TRPM1: variants seen among roughly 807,000 people sequenced by gnomAD.
TRPM1 encodes the protein transient receptor potential cation channel subfamily M member 1.
Under a neutral mutation model 149.4 loss-of-function variants are expected in TRPM1, and 113 were observed. The observed-to-expected ratio is 0.76, with a 90% CI of 0.65 to 0.88. The LOEUF is 0.88. Ranked by LOEUF, TRPM1 falls within the 40% of genes least tolerant of loss-of-function variation. The pLI is 0.00. For synonymous variants in TRPM1, 741 were observed against 759.5 expected (o/e 0.98, Z 0.40); for missense variants, 1,976 against 2,038.7 (o/e 0.97, Z 0.59).
rs1393464362 is a variant in TRPM1, at chr15:31,042,138, AG to A, written c.1899del (p.Phe634SerfsTer4). ...ACTGCCCACACCATCAGCTCGTGGA[AG>A]GGATACTGGAACCGACTCACGGCAG... Reference protein sequence around the residue: ...DDPAVSRFQYPFHELMVWAVL... With the variant: ...DDPAVSRFQYXFHELMVWAVL... On this transcript the variant is annotated frameshift_variant, in exon 17 of 28. Transcript: ENST00000256552. LOFTEE classifies it high-confidence loss of function. 1 of 1,614,102 alleles carries A rather than the reference AG, an allele frequency of 6.2e-7. No homozygotes were observed. Among genetic ancestry groups the A allele is most frequent in the Non-Finnish European group, 8.5e-7 (1 of 1,180,056 alleles).
In TRPM1 at chr15:31,076,922, G is replaced by T. The variant is rs866958016; in HGVS notation, c.66C>A (p.Ser22Arg). 1.2e-6 allele frequency: 2 copies of T among 1,610,124 alleles called. No homozygotes were observed. The highest frequency in any genetic ancestry group is 2.2e-5 in the East Asian group (1 of 44,850). The change falls in exon 3 of 28, where the codon AGC (serine) becomes AGA (arginine). Residue 22 changes from serine to arginine, a missense_variant. Around this residue, in one of 3 missense-constraint regions of TRPM1, gnomAD observed 1,332 missense variants for 1,347.1 expected, o/e 0.99. Transcript: ENST00000256552. ...CKRECIFVIP[S>R]MKDSNRCCCG... ...CAATTTACCTGTTAGAGTCTTTCAT[G>T]CTAGGAATTACAAAGATACATTCCC...
intron 1 of TRPM1, among the ~76,000 whole-genome samples, chr15:31,153,132 G>C (rs1468272254): frequency 6.6e-6 from 1 of 152,204 alleles, no homozygotes; most frequent in African/African-American, 2.4e-5. Context: ...ATTCTGTAGA[G>C]AATCCCTTTC....
intron 27 of TRPM1, among the ~76,000 whole-genome samples, chr15:31,020,346 A>C (rs1461684787): frequency 3.3e-5 from 5 of 152,248 alleles, no homozygotes; most frequent in African/African-American, 4.8e-5. Flanking sequence ...TGCCATTTGC[A>C]AACACTAGCA....
At chr15:31,042,291 A>T (rs1422746979) in intron 16 of TRPM1, 48 bp from the exon 17 acceptor site, 1 of 1,543,996 alleles carries the variant, frequency 6.5e-7, no homozygotes. Flanking sequence ...AAAGTATGCA[A>T]CAAAGAGTTC....
intron 20 of TRPM1, 73 bp downstream of exon 20, chr15:31,037,638 A>T (rs561138707): frequency 6.4e-5 from 103 of 1,602,926 alleles, no homozygotes; most frequent in Non-Finnish European, 7.4e-5. Flanking sequence ...AAGCCCTTGA[A>T]GTTTTTCTTG....
At chr15:31,028,305 C>G (rs770629444) in intron 25 of TRPM1, 27 bp downstream of exon 25, 16 of 1,613,782 alleles carry the variant, frequency 9.9e-6, no homozygotes, top group Admixed American at 3.3e-5. Flanking sequence ...AAATAATAAG[C>G]ATGTGGTCAT....
At chr15:31,148,771 GAGA>G (rs2036255308) in intron 1 of TRPM1, among the ~76,000 whole-genome samples, 1 of 152,214 alleles carries the variant, frequency 6.6e-6, no homozygotes, top group Admixed American at 6.5e-5. Flanking sequence ...AACCTGTGGG[GAGA>G]AGGAGGTGGC....
intron 1 of TRPM1, among the ~76,000 whole-genome samples, chr15:31,133,172 C>T (rs920313221): frequency 1.3e-5 from 2 of 152,212 alleles, no homozygotes; most frequent in African/African-American, 4.8e-5. Context: ...CGTGGTGGCT[C>T]ACACCTGTAA....
intron 12 of TRPM1, among the ~76,000 whole-genome samples, chr15:31,049,803 A>G (rs898458810): frequency 4.6e-5 from 7 of 152,186 alleles, no homozygotes; most frequent in Non-Finnish European, 2.9e-5. Context: ...AGTCTCCACC[A>G]TTTGTTTCCT....
chr15:31,060,526 G>GAA lies in TRPM1; in HGVS notation c.1263+16_1263+17dup. The GAA allele has an allele frequency of 6.3e-7, 1 of 1,599,054 alleles. No individual in the cohort carries two copies. Among genetic ancestry groups the GAA allele is most frequent in the Non-Finnish European group, 8.6e-7 (1 of 1,166,860 alleles). On this transcript the variant is annotated intron_variant, in intron 11 of 27. Transcript: ENST00000256552. ...AAAGTCAAGATCAATGATATGAATC[G>GAA]AAAAAAAACAGTTTCACCGGCCAGT...
In TRPM1 at chr15:31,002,173, G is replaced by A. The variant is rs1252388409; in HGVS notation, c.4527C>T (p.Tyr1509=). ...CTTGCACTGCAGCTTCCGACACAAT[G>A]TAAGGAATATCTGTGCTATGAGAGC... ...ITRSHSTDIP[Y]IVSEAAVQAE... The change falls in exon 28 of 28, where the codon TAC becomes TAT. Residue 1509 remains tyrosine, a synonymous_variant. Coordinates refer to ENST00000256552, the MANE Select transcript of TRPM1 (RefSeq NM_001252024.2). The A allele has an allele frequency of 6.2e-6, 10 of 1,614,088 alleles. No individual in the cohort carries two copies. Among genetic ancestry groups the A allele is most frequent in the African/African-American group, 1.3e-5 (1 of 74,924 alleles).
At chr15:31,139,444 A>T (rs2036130553) in intron 1 of TRPM1, among the ~76,000 whole-genome samples, 1 of 152,194 alleles carries the variant, frequency 6.6e-6, no homozygotes, top group Non-Finnish European at 1.5e-5. Flanking sequence ...TCTTATTAAA[A>T]CTATAAGATC....
chr15:31,113,591 G>C (rs1052961162), intron 1 of TRPM1, among the ~76,000 whole-genome samples: 5 of 152,006 alleles, frequency 3.3e-5, no homozygotes, highest in African/African-American at 9.7e-5. Context: ...ACAACTGCAG[G>C]TTTGTTACAC....
At chr15:31,061,659 T>C (rs2034235607) in intron 9 of TRPM1, 145 bp from the exon 10 acceptor site, 1 of 708,412 alleles carries the variant, frequency 1.4e-6, no homozygotes. Flanking sequence ...TGTTGATTTC[T>C]TTTTTTTCTT....
Position 31,070,133 on chromosome 15 carries a change from A to C in TRPM1, c.177T>G (p.Thr59=). The C allele has an allele frequency of 1.9e-6, 3 of 1,614,072 alleles. No individual in the cohort carries two copies. Among genetic ancestry groups the C allele is most frequent in the Non-Finnish European group, 2.5e-6 (3 of 1,179,944 alleles). ...TGGCAACAGACCATTTCTCAGGCTG[A>C]GTCTCCACCTGTTTGCTTTCCTCTT... The part of the protein sequence containing the change: ...KNEEESKQVE[T]QPEKWSVAKH... The change falls in exon 4 of 28, where the codon ACT becomes ACG. Residue 59 remains threonine, a synonymous_variant. Coordinates refer to ENST00000256552, the MANE Select transcript of TRPM1 (RefSeq NM_001252024.2).
At chr15:31,100,355 A>G (rs1161151420) in intron 1 of TRPM1, among the ~76,000 whole-genome samples, 1 of 152,020 alleles carries the variant, frequency 6.6e-6, no homozygotes. Context: ...GATTACAGCC[A>G]TGAGCCATCG....
intron 27 of TRPM1, among the ~76,000 whole-genome samples, chr15:31,009,528 CATTT>C (rs772276813): frequency 7.2e-5 from 11 of 151,928 alleles, no homozygotes; most frequent in Non-Finnish European, 1.0e-4. Flanking sequence ...GATATGGATT[CATTT>C]GAGTTAGTCC....
At chr15:31,079,299 G>A (rs2034794466) in intron 2 of TRPM1, among the ~76,000 whole-genome samples, 1 of 152,222 alleles carries the variant, frequency 6.6e-6, no homozygotes, top group Non-Finnish European at 1.5e-5. Flanking sequence ...GGAGTTGAAT[G>A]TGGCTTAGCT....
Position 31,152,275 on chromosome 15 carries a change from T to A in TRPM1, c.54+8631A>T, listed in dbSNP as rs532245863. ...CCCCAACCCTCTATGGGCACAGATGTGGGACCACCTGCCCAGCTTGGAGGC... is the reference window on the plus strand; with the variant it reads ...CCCCAACCCTCTATGGGCACAGATGAGGGACCACCTGCCCAGCTTGGAGGC... On this transcript the variant is annotated intron_variant, in intron 1 of 26. Transcript: ENST00000542188. Among the ~76,000 whole-genome samples the A allele has an allele frequency of 3.3e-5, 5 of 152,322 alleles. No individual in the cohort carries two copies. In the South Asian group the frequency reaches 1.0e-3, roughly 32 times the overall value.
Sources: allele counts gnomAD v4.1 joint callset (sites outside exome capture counted in the v4.1 genomes callset), GRCh38; gene constraint gnomAD v4.1.1; regional missense constraint gnomAD v4.1.1; transcripts MANE v1.5; gene names NCBI Gene and HGNC (gene_info 2026-07-23, HGNC 2026-07-21).